Variants in RPRD2 observed in about 807,000 individuals in gnomAD.
RPRD2 encodes the protein regulation of nuclear pre-mRNA domain-containing protein 2.
Under a neutral mutation model 104.4 loss-of-function variants are expected in RPRD2, and 12 were observed. The observed-to-expected ratio is 0.11, with a 90% CI of 0.07 to 0.19. The LOEUF (loss-of-function observed/expected upper bound fraction) is 0.19. Among genes scored for constraint, RPRD2 ranks in the 10% least tolerant of loss-of-function variants. The pLI is 1.00. For missense variants in RPRD2, 1,543 were observed against 1,790.1 expected (o/e 0.86, Z 2.49); for synonymous variants, 714 against 684.9 (o/e 1.04, Z -0.66).
chr1:150,446,831 G>GTATT (rs1666806175), intron 7 of RPRD2, among the ~76,000 whole-genome samples: 1 of 105,778 alleles, frequency 9.5e-6, no homozygotes. Flanking sequence ...TAAGACCTGG[G>GTATT]TCTTTTTTTT....
At chr1:150,433,842 TTATA>T (rs1372525356) in intron 2 of RPRD2, among the ~76,000 whole-genome samples, 1 of 146,038 alleles carries the variant, frequency 6.8e-6, no homozygotes, top group Non-Finnish European at 1.5e-5. Context: ...ACATAATATG[TTATA>T]TATATGTTAT....
At position 150,475,121 on chromosome 1, in the gene RPRD2, C is replaced by T. The variant is rs1041741364; in HGVS notation, c.*1787C>T. The T allele has an allele frequency of 2.0e-5, 3 of 152,200 alleles. No individual in the cohort carries two copies. The highest frequency in any genetic ancestry group is 4.1e-4 in the South Asian group (2 of 4,824). 9.4% of individuals were successfully genotyped at this position (152,200 alleles called of 1,614,324 possible). A position where few individuals can be genotyped will look rare whatever the true frequency, so the allele number is the denominator to read the frequency against. On this transcript the variant is annotated 3_prime_UTR_variant, in exon 11 of 11. Transcript: ENST00000369068. The stretch of plus-strand genomic sequence containing the variant: ...TTCCTCGACCCTCTCTGCCCTGTAG[C>T]TCTCCCCACAAAAATGCATGATACC...
intron 4 of RPRD2, among the ~76,000 whole-genome samples, 174 bp from the exon 5 acceptor site, chr1:150,443,057 C>A (rs1666510801): frequency 6.6e-6 from 1 of 151,838 alleles, no homozygotes; most frequent in Admixed American, 6.6e-5. Context: ...TTACATTGAC[C>A]ACATTTAGGA....
At chr1:150,455,444 G>A (rs1406463282) in intron 7 of RPRD2, among the ~76,000 whole-genome samples, 1 of 151,982 alleles carries the variant, frequency 6.6e-6, no homozygotes, top group Non-Finnish European at 1.5e-5. Flanking sequence ...AGAGGTTGCA[G>A]TGAGCCAAGA....
At chr1:150,379,171 T>C (rs2102122140) in intron 1 of RPRD2, among the ~76,000 whole-genome samples, 1 of 148,436 alleles carries the variant, frequency 6.7e-6, no homozygotes, top group South Asian at 2.1e-4. Context: ...TAATCCCAGC[T>C]ACTCAGGAGG....
In RPRD2 at chr1:150,371,390, GTC is replaced by G. The variant is rs1660286411; in HGVS notation, c.205+6479_205+6480del. ...TTTTTGTTTTTGTTTTTGAGACGGA[GTC>G]TCTCTCTGTCACCCAGGCTAGAGTG... On this transcript the variant is annotated intron_variant, in intron 1 of 10. Coordinates refer to ENST00000369068, the MANE Select transcript of RPRD2 (RefSeq NM_015203.5). Among the ~76,000 whole-genome samples, 3 of 152,120 alleles carry G rather than the reference GTC, an allele frequency of 2.0e-5. No individual in the cohort carries two copies. The East Asian group carries it at 5.8e-4, about 29-fold the overall frequency.
chr1:150,384,262 T>C (rs1469774449), intron 1 of RPRD2, among the ~76,000 whole-genome samples: 2 of 152,014 alleles, frequency 1.3e-5, no homozygotes, highest in East Asian at 3.8e-4. Context: ...TACCAATTTA[T>C]ATTTGTATAC....
At chr1:150,430,693 G>A (rs370202961) in intron 2 of RPRD2, among the ~76,000 whole-genome samples, 1 of 152,222 alleles carries the variant, frequency 6.6e-6, no homozygotes, top group East Asian at 1.9e-4. Context: ...ACTTTGGGAG[G>A]CTGGGGCAGG....
At chr1:150,423,440 C>A (rs587670196) in intron 2 of RPRD2, among the ~76,000 whole-genome samples, 1 of 152,138 alleles carries the variant, frequency 6.6e-6, no homozygotes, top group South Asian at 2.1e-4. Context: ...TCGTAAAAGG[C>A]AATTATTTGT....
In RPRD2 at chr1:150,471,337, G is replaced by T; in HGVS notation, c.2389G>T (p.Glu797Ter). ...ATATCGACCCTTTGGTCTGGGCAGT[G>T]AATCTCCCTATAAGCAGCCTTCTGA... ...STYRPFGLGS[E>*]SPYKQPSDGM... is the part of the protein sequence containing the mutation. Residue 797 changes from glutamate (E) to a stop codon, truncating the protein, a stop_gained, in exon 11 of 11, where the codon GAA (glutamate) becomes TAA (stop). Transcript: ENST00000369068. LOFTEE classifies it high-confidence loss of function. This position sits in a 1 kb window ranked among gnomAD's most constrained non-coding sequence, Gnocchi z 5.3. The T allele has an allele frequency of 6.2e-7, 1 of 1,613,710 alleles. No homozygotes were observed. Among genetic ancestry groups the T allele is most frequent in the Non-Finnish European group, 8.5e-7 (1 of 1,179,852 alleles).
intron 2 of RPRD2, among the ~76,000 whole-genome samples, chr1:150,431,887 C>T (rs1218241205): frequency 6.6e-6 from 1 of 152,138 alleles, no homozygotes; most frequent in Non-Finnish European, 1.5e-5. Context: ...TATGATGCCA[C>T]TTACATCAGT....
chr1:150,400,908 G>GTGGCTCACGC (rs1662938665), intron 1 of RPRD2, among the ~76,000 whole-genome samples: 1 of 151,956 alleles, frequency 6.6e-6, no homozygotes, highest in African/African-American at 2.4e-5. Flanking sequence ...GCTGGGCGCG[G>GTGGCTCACGC]TGGCTCACGC....
chr1:150,432,044 A>G (rs1553891907), intron 2 of RPRD2, among the ~76,000 whole-genome samples: 1 of 152,036 alleles, frequency 6.6e-6, no homozygotes. Flanking sequence ...GTGTGAATGT[A>G]CTTAACTTTT....
intron 2 of RPRD2, among the ~76,000 whole-genome samples, chr1:150,424,882 A>G (rs920578620): frequency 6.6e-6 from 1 of 151,396 alleles, no homozygotes; most frequent in South Asian, 2.1e-4. Context: ...CTGCCTTTCA[A>G]TTTTCTGTTA....
At chr1:150,436,105 A>G (rs76731114) in intron 2 of RPRD2, among the ~76,000 whole-genome samples, 1 of 151,716 alleles carries the variant, frequency 6.6e-6, no homozygotes, top group Non-Finnish European at 1.5e-5. Context: ...TTCAAGCCCA[A>G]TGTTGAGACC....
chr1:150,425,574 C>T (rs1209743879), intron 2 of RPRD2, among the ~76,000 whole-genome samples: 3 of 151,224 alleles, frequency 2.0e-5, no homozygotes, highest in Non-Finnish European at 2.9e-5. Context: ...ACCTGGGAAG[C>T]AGAGGTTGCA....
At chr1:150,417,271 A>G (rs1240822613) in intron 1 of RPRD2, among the ~76,000 whole-genome samples, 1 of 152,114 alleles carries the variant, frequency 6.6e-6, no homozygotes, top group Non-Finnish European at 1.5e-5. Flanking sequence ...AAACATCTAC[A>G]AAGTGAGGGA....
intron 10 of RPRD2, among the ~76,000 whole-genome samples, chr1:150,466,429 G>T (rs1313768713): frequency 1.3e-5 from 2 of 149,322 alleles, no homozygotes; most frequent in African/African-American, 4.9e-5. Flanking sequence ...CATGCCTGTA[G>T]TTCCAGCTAC....
chr1:150,373,317 G>A (rs961351478), intron 1 of RPRD2, among the ~76,000 whole-genome samples: 5 of 151,734 alleles, frequency 3.3e-5, no homozygotes, highest in East Asian at 3.9e-4. Context: ...CCTGGCACTC[G>A]TTTGTTTTTA....
Sources: allele counts gnomAD v4.1 joint callset (sites outside exome capture counted in the v4.1 genomes callset), GRCh38; gene constraint gnomAD v4.1.1; non-coding constraint Gnocchi (gnomAD v3.1); transcripts MANE v1.5; gene names NCBI Gene and HGNC (gene_info 2026-07-23, HGNC 2026-07-21).